The following ZNF804B variants were observed in gnomAD, a reference collection of about 807,000 sequenced individuals.
ZNF804B encodes the protein zinc finger 804B.
A neutral mutation model predicts 101.4 loss-of-function variants in ZNF804B; 80 were observed. The observed-to-expected ratio is 0.79, with a 90% CI of 0.66 to 0.95. The LOEUF (loss-of-function observed/expected upper bound fraction) is 0.95. Ranked by LOEUF, ZNF804B falls within the 40% of genes least tolerant of loss-of-function variation. The pLI, the probability that ZNF804B is intolerant of heterozygous loss-of-function variation, is 0.00. For missense variants in ZNF804B, 1,673 were observed against 1,561.9 expected (o/e 1.07, Z -1.20); for synonymous variants, 622 against 558.8 (o/e 1.11, Z -1.59).
intron 1 of ZNF804B, among the ~76,000 whole-genome samples, chr7:88,989,541 G>A (rs1414216787): frequency 6.6e-6 from 1 of 152,048 alleles, no homozygotes; most frequent in Non-Finnish European, 1.5e-5. Flanking sequence ...AAAGGCCTCA[G>A]AATGCTCAGG....
chr7:89,336,486 T>C lies in ZNF804B; in HGVS notation c.3504T>C (p.His1168=), dbSNP rs757484372. The part of the protein sequence containing the change: ...YKILQLQAQQ[H]MQKQLLSKHL... ...TCCTACAGCTACAAGCCCAGCAGCA[T>C]ATGCAGAAGCAACTCCTATCAAAGC... Residue 1168 remains histidine, a synonymous_variant, in exon 4 of 4, where the codon CAT becomes CAC. Coordinates refer to ENST00000333190, the MANE Select transcript of ZNF804B (RefSeq NM_181646.5). The C allele has an allele frequency of 6.2e-7, 1 of 1,614,064 alleles. No homozygotes were observed. Among genetic ancestry groups the C allele is most frequent in the South Asian group, 1.1e-5 (1 of 91,082 alleles).
intron 1 of ZNF804B, among the ~76,000 whole-genome samples, chr7:88,893,649 A>C (rs1301258932): frequency 6.6e-6 from 1 of 152,204 alleles, no homozygotes; most frequent in Non-Finnish European, 1.5e-5. Flanking sequence ...GGTAATAGGC[A>C]TAAGGAAACT....
chr7:89,310,595 G>A (rs1411765998), intron 2 of ZNF804B, among the ~76,000 whole-genome samples: 2 of 152,122 alleles, frequency 1.3e-5, no homozygotes, highest in Admixed American at 6.6e-5. Context: ...TTACTTTGCA[G>A]GTATGTTCAA....
At chr7:88,962,341 G>C (rs553593042) in intron 1 of ZNF804B, among the ~76,000 whole-genome samples, 1 of 151,298 alleles carries the variant, frequency 6.6e-6, no homozygotes, top group East Asian at 2.0e-4. Context: ...GCCAGATGAC[G>C]ATATGTAGTT....
intron 1 of ZNF804B, among the ~76,000 whole-genome samples, chr7:88,793,932 T>C (rs930261093): frequency 6.6e-6 from 1 of 152,154 alleles, no homozygotes; most frequent in Admixed American, 6.6e-5. Context: ...ATGATGTTAA[T>C]ATTTGAGAGC....
chr7:89,214,592 G>T (rs543655503), intron 1 of ZNF804B, among the ~76,000 whole-genome samples: 3 of 152,072 alleles, frequency 2.0e-5, no homozygotes, highest in Non-Finnish European at 4.4e-5. Context: ...AAAAAGCCAA[G>T]AAATAGTGTG....
rs115520632 is a variant in ZNF804B, at chr7:88,769,342, C to A, written c.108+9258C>A. Among the ~76,000 whole-genome samples, 213 of 152,258 alleles carry A rather than the reference C, an allele frequency of 1.4e-3. 2 individuals carry two copies. Among genetic ancestry groups the A allele is most frequent in the African/African-American group, 5.0e-3 (209 of 41,558 alleles). On this transcript the variant is annotated intron_variant, in intron 1 of 3. Coordinates refer to ENST00000333190, the MANE Select transcript of ZNF804B (RefSeq NM_181646.5). ...TGATGGATTAAGTGGTCACTGTTTT[C>A]ATGGCAATTTTTATCACTTTAAGAT...
intron 1 of ZNF804B, among the ~76,000 whole-genome samples, chr7:88,923,333 A>G (rs1792751750): frequency 6.6e-6 from 1 of 152,078 alleles, no homozygotes; most frequent in African/African-American, 2.4e-5. Context: ...TCCTTGTTAA[A>G]ATCTGCTTAT....
At chr7:88,972,463 C>T (rs1013810319) in intron 1 of ZNF804B, among the ~76,000 whole-genome samples, 1 of 151,328 alleles carries the variant, frequency 6.6e-6, no homozygotes, top group African/African-American at 2.4e-5. Context: ...GTCTTTTTCC[C>T]TGCCAGGTTC....
chr7:89,215,403 A>C (rs1241757962), intron 1 of ZNF804B, among the ~76,000 whole-genome samples: 1 of 152,188 alleles, frequency 6.6e-6, no homozygotes, highest in African/African-American at 2.4e-5. Flanking sequence ...AACTACTGTC[A>C]TAAAATCACC....
chr7:89,069,573 C>T (rs374858632), intron 1 of ZNF804B, among the ~76,000 whole-genome samples: 27 of 151,830 alleles, frequency 1.8e-4, no homozygotes, highest in African/African-American at 4.8e-4. Flanking sequence ...GTATGATATA[C>T]GATAAGCATT....
intron 2 of ZNF804B, among the ~76,000 whole-genome samples, chr7:89,306,788 A>T (rs1198784488): frequency 6.6e-6 from 1 of 152,044 alleles, no homozygotes; most frequent in Non-Finnish European, 1.5e-5. Flanking sequence ...AGAAGCAATC[A>T]CAGGCAACTT....
intron 1 of ZNF804B, among the ~76,000 whole-genome samples, chr7:88,845,289 GCGCACGCGCGCGCA>G (rs1054093749): frequency 1.3e-4 from 15 of 115,842 alleles, no homozygotes; most frequent in East Asian, 8.3e-4. Flanking sequence ...GCACGCGCGC[GCGCACGCGCGCGCA>G]CACACACACA....
chr7:88,909,367 A>G (rs1401706729), intron 1 of ZNF804B, among the ~76,000 whole-genome samples: 2 of 151,856 alleles, frequency 1.3e-5, no homozygotes, highest in Non-Finnish European at 3.0e-5. Flanking sequence ...ATCTGATGGA[A>G]ATGCGTAAGG....
At chr7:88,845,588 T>C (rs1259985520) in intron 1 of ZNF804B, among the ~76,000 whole-genome samples, 2 of 152,122 alleles carry the variant, frequency 1.3e-5, no homozygotes, top group East Asian at 1.9e-4. Flanking sequence ...AGGGTTTTTT[T>C]TTTTCTCTTG....
chr7:88,921,517 AGGGAAC>A (rs1184182799), intron 1 of ZNF804B, among the ~76,000 whole-genome samples: 3 of 152,170 alleles, frequency 2.0e-5, no homozygotes, highest in Admixed American at 6.6e-5. Context: ...TGACATTTAT[AGGGAAC>A]CATATTCCAC....
chr7:88,878,896 C>T lies in ZNF804B; in HGVS notation c.108+118812C>T, dbSNP rs1195452034. Among the ~76,000 whole-genome samples, 9 of 152,126 alleles carry T rather than the reference C, an allele frequency of 5.9e-5. No individual in the cohort carries two copies. The East Asian group carries it at 1.3e-3, about 23-fold the overall frequency. On this transcript the variant is annotated intron_variant, in intron 1 of 3. Coordinates refer to ENST00000333190, the MANE Select transcript of ZNF804B (RefSeq NM_181646.5). ...TAAATATACTACTTAAATTCCTGTTCCCATGTCTTAACTTTTGCAGTTATG... is the reference window on the plus strand; with the variant it reads ...TAAATATACTACTTAAATTCCTGTTTCCATGTCTTAACTTTTGCAGTTATG...
At chr7:89,112,894 T>G (rs1044445486) in intron 1 of ZNF804B, among the ~76,000 whole-genome samples, 1 of 152,140 alleles carries the variant, frequency 6.6e-6, no homozygotes, top group Admixed American at 6.6e-5. Flanking sequence ...TGTTAGATAT[T>G]TAGAATTTGA....
intron 1 of ZNF804B, among the ~76,000 whole-genome samples, chr7:89,092,406 C>CTTTTT (rs1789905900): frequency 2.3e-5 from 2 of 88,378 alleles, no homozygotes; most frequent in Admixed American, 1.7e-4. Context: ...CTTTTCTTTT[C>CTTTTT]TGTTTTTTTT....
Sources: gnomAD v4.1 joint callset for allele counts (sites outside exome capture counted in the v4.1 genomes callset) on GRCh38, gnomAD v4.1.1 for gene constraint, MANE v1.5 for transcripts, NCBI Gene and HGNC (gene_info 2026-07-23, HGNC 2026-07-21) for gene names.